The following DNAJC1 variants were observed in gnomAD, a reference collection of about 807,000 sequenced individuals.
DNAJC1 encodes DnaJ heat shock protein family (Hsp40) member C1, also known as dnaJ homolog subfamily C member 1.
DNAJC1 carries 58 observed loss-of-function variants against 76.6 expected under a neutral mutation model. The observed-to-expected ratio is 0.76, with a 90% CI of 0.61 to 0.94. DNAJC1 has a LOEUF of 0.94. Among genes scored for constraint, DNAJC1 ranks in the 40% least tolerant of loss-of-function variants. The pLI, the probability that DNAJC1 is intolerant of heterozygous loss-of-function variation, is 0.00. For synonymous variants in DNAJC1, 258 were observed against 267.9 expected (o/e 0.96, Z 0.36); for missense variants, 689 against 677.3 (o/e 1.02, Z -0.19).
intron 8 of DNAJC1, among the ~76,000 whole-genome samples, chr10:21,839,313 CT>C (rs775153386): frequency 2.6e-5 from 4 of 152,090 alleles, no homozygotes; most frequent in Non-Finnish European, 4.4e-5. Flanking sequence ...AATCCAGGAG[CT>C]GGTTTGTTGA....
chr10:21,984,477 G>A lies in DNAJC1; in HGVS notation c.222+18736C>T, dbSNP rs1300290035. On this transcript the variant is annotated intron_variant, in intron 1 of 11. Coordinates refer to ENST00000376980, the MANE Select transcript of DNAJC1 (RefSeq NM_022365.4). ...GAACAGAAAAGAAGGAATAAACAAG[G>A]GTAAAATGGTGTGTCACCCTTTAAG... is the stretch of plus-strand genomic sequence containing the variant. Among the ~76,000 whole-genome samples the A allele has an allele frequency of 2.0e-5, 3 of 152,030 alleles. No homozygotes were observed. In the East Asian group the frequency reaches 5.8e-4, roughly 29 times the overall value.
At chr10:21,930,157 G>A (rs1005789448) in intron 1 of DNAJC1, among the ~76,000 whole-genome samples, 69 of 152,276 alleles carry the variant, frequency 4.5e-4, no homozygotes, top group African/African-American at 1.6e-3. Flanking sequence ...TGTATTTTTA[G>A]TAGAAATGGG....
At chr10:21,772,415 A>G (rs1834397143) in intron 9 of DNAJC1, among the ~76,000 whole-genome samples, 1 of 151,302 alleles carries the variant, frequency 6.6e-6, no homozygotes, top group Non-Finnish European at 1.5e-5. Context: ...TTATAAGTCT[A>G]TCTATTAAAA....
chr10:21,774,341 G>C (rs966262510), intron 9 of DNAJC1, among the ~76,000 whole-genome samples: 10 of 152,050 alleles, frequency 6.6e-5, no homozygotes, highest in Non-Finnish European at 1.3e-4. Context: ...CTTTTCATTT[G>C]AGGTCAACTG....
intron 3 of DNAJC1, among the ~76,000 whole-genome samples, chr10:21,923,627 A>G (rs2666782): frequency 0.79 from 119,575 of 151,752 alleles, 48,050 homozygotes; most frequent in East Asian, 0.99. Context: ...AAATCATAGG[A>G]AATTATAATG....
At chr10:21,944,170 GT>G (rs11411342) in intron 1 of DNAJC1, among the ~76,000 whole-genome samples, 2,186 of 149,024 alleles carry the variant, frequency 0.015, 51 homozygotes, top group African/African-American at 0.043. Context: ...TCACATAAAG[GT>G]TTTTTTTTTT....
In DNAJC1 at chr10:21,882,927, C is replaced by G. The variant is rs188591994; in HGVS notation, c.821-488G>C. On this transcript the variant is annotated intron_variant, in intron 7 of 11. Coordinates refer to ENST00000376980, the MANE Select transcript of DNAJC1 (RefSeq NM_022365.4). ...GGCAACATCAAGAGTAGTTATGAAT[C>G]GATGGCCATCCATTGGGCTCTTTAT... Among the ~76,000 whole-genome samples the G allele has an allele frequency of 1.0e-3, 153 of 152,064 alleles. 1 individual carries two copies. Among genetic ancestry groups the G allele is most frequent in the African/African-American group, 3.5e-3 (147 of 41,480 alleles).
intron 1 of DNAJC1, among the ~76,000 whole-genome samples, chr10:21,980,456 A>G (rs1041720554): frequency 2.0e-5 from 3 of 152,146 alleles, no homozygotes; most frequent in African/African-American, 4.8e-5. Flanking sequence ...GAAATATTAG[A>G]CAAACCCAAA....
intron 7 of DNAJC1, among the ~76,000 whole-genome samples, chr10:21,889,106 G>C (rs973561508): frequency 1.3e-5 from 2 of 152,144 alleles, no homozygotes; most frequent in Non-Finnish European, 2.9e-5. Flanking sequence ...GGGTTGTACA[G>C]GAAGTGTGAA....
chr10:21,879,186 C>T (rs1028929822), intron 8 of DNAJC1, among the ~76,000 whole-genome samples: 12 of 152,182 alleles, frequency 7.9e-5, no homozygotes, highest in African/African-American at 2.7e-4. Context: ...GGTTAACTTG[C>T]ATCACCTGTG....
At chr10:21,813,790 T>C (rs143550803) in intron 8 of DNAJC1, among the ~76,000 whole-genome samples, 2 of 152,282 alleles carry the variant, frequency 1.3e-5, no homozygotes, top group African/African-American at 4.8e-5. Flanking sequence ...GTTACCTAAG[T>C]TCAGGATTCC....
chr10:21,959,793 A>G (rs1421228906), intron 1 of DNAJC1, among the ~76,000 whole-genome samples: 1 of 72,106 alleles, frequency 1.4e-5, no homozygotes, highest in East Asian at 2.0e-3. Flanking sequence ...CTCAAAAAAA[A>G]CAAAAACAAA....
rs182140691 is a variant in DNAJC1 at position 21,969,880 on chromosome 10, T to C, written c.222+33333A>G. Among the ~76,000 whole-genome samples, 565 of 152,264 alleles carry C rather than the reference T, an allele frequency of 3.7e-3. 5 individuals carry two copies. The highest frequency in any genetic ancestry group is 0.013 in the African/African-American group (533 of 41,570). Reference sequence around the variant, plus strand: ...CCATGAGTTTATGCATTATGTAGGATGGAAATGTGGTGATTAACCCATTTT... The same window carrying C: ...CCATGAGTTTATGCATTATGTAGGACGGAAATGTGGTGATTAACCCATTTT... On this transcript the variant is annotated intron_variant, in intron 1 of 11. Transcript: ENST00000376980.
chr10:21,927,017 C>A (rs1191000613), intron 3 of DNAJC1, among the ~76,000 whole-genome samples: 1 of 152,020 alleles, frequency 6.6e-6, no homozygotes, highest in African/African-American at 2.4e-5. Flanking sequence ...TATTAGAAAA[C>A]TAAATAAAGC....
chr10:21,840,072 C>T (rs1319890028), intron 8 of DNAJC1, among the ~76,000 whole-genome samples: 1 of 152,206 alleles, frequency 6.6e-6, no homozygotes, highest in Admixed American at 6.5e-5. Context: ...TAAAAACTCT[C>T]AATAAATTAG....
At chr10:21,996,822 C>A (rs1838422341) in intron 1 of DNAJC1, among the ~76,000 whole-genome samples, 1 of 152,130 alleles carries the variant, frequency 6.6e-6, no homozygotes, top group South Asian at 2.1e-4. Flanking sequence ...CTATACATAT[C>A]ACAAAAAGAG....
Position 21,882,277 on chromosome 10 carries a change from T to C in DNAJC1, c.978+5A>G, listed in dbSNP as rs1836294406. On this transcript the variant is annotated splice_donor_5th_base_variant and intron_variant, in intron 8 of 11. Transcript: ENST00000376980. The stretch of plus-strand genomic sequence containing the variant: ...CTCAAAACAAGTTTTATAAAGCTTA[T>C]TTACCTGTTTTTTCTGTGTTCGGTT... The C allele has an allele frequency of 6.3e-7, 1 of 1,589,320 alleles. No individual in the cohort carries two copies. Among genetic ancestry groups the C allele is most frequent in the African/African-American group, 1.4e-5 (1 of 73,070 alleles).
At chr10:21,761,963 A>T (rs1236954679) in intron 10 of DNAJC1, among the ~76,000 whole-genome samples, 1 of 152,134 alleles carries the variant, frequency 6.6e-6, no homozygotes, top group Non-Finnish European at 1.5e-5. Context: ...GCTGGAGTGA[A>T]GGGGCGCGAT....
intron 5 of DNAJC1, among the ~76,000 whole-genome samples, chr10:21,919,622 G>C (rs1312551715): frequency 1.3e-5 from 2 of 151,844 alleles, no homozygotes; most frequent in African/African-American, 4.8e-5. Context: ...TAAATATATA[G>C]TCACACTTTA....
Sources: gnomAD v4.1 joint callset for allele counts (sites outside exome capture counted in the v4.1 genomes callset) on GRCh38, gnomAD v4.1.1 for gene constraint, MANE v1.5 for transcripts, NCBI Gene and HGNC (gene_info 2026-07-23, HGNC 2026-07-21) for gene names.